PFKFB1: variants seen among roughly 807,000 people sequenced by gnomAD.
PFKFB1 encodes the protein 6-phosphofructo-2-kinase/fructose-2,6-bisphosphatase 1.
A neutral mutation model predicts 46.4 loss-of-function variants in PFKFB1; 34 were observed. The ratio of observed to expected loss-of-function variants is 0.73; its 90% CI spans 0.56 to 0.98. PFKFB1 has a LOEUF of 0.98. Among genes scored for constraint, PFKFB1 ranks in the 50% least tolerant of loss-of-function variants. PFKFB1 has a pLI of 0.00. For synonymous variants in PFKFB1, 119 were observed against 133.8 expected, an observed-to-expected ratio of 0.89 and a Z score of 0.76; for missense variants, 393 against 376.3, an observed-to-expected ratio of 1.04 and a Z score of -0.37.
chrX:54,967,322 C>T (rs1569547044), intron 1 of PFKFB1, among the ~76,000 whole-genome samples: 1 of 111,868 alleles, frequency 8.9e-6, no homozygotes, highest in African/African-American at 3.2e-5. Flanking sequence ...CAATAACAAG[C>T]GATTTTGGAA....
intron 1 of PFKFB1, among the ~76,000 whole-genome samples, chrX:54,963,743 TA>T (rs1934390491): frequency 8.9e-6 from 1 of 112,426 alleles, no homozygotes; most frequent in Non-Finnish European, 1.9e-5. Flanking sequence ...GCTGCAGACA[TA>T]GGCAATTTTG....
chrX:54,946,810 G>C (rs1250216743), intron 9 of PFKFB1, among the ~76,000 whole-genome samples: 1 of 112,001 alleles, frequency 8.9e-6, no homozygotes, highest in Non-Finnish European at 1.9e-5. Context: ...TTGAATATTG[G>C]GAAAATGTAA....
rs752428609 is a variant in PFKFB1 at position 54,943,620 on chromosome X, A to G, written c.1098+1819T>C. ...CAAAAAATTAGCCAGGTGTGGTGGC[A>G]GGTGCCCGTAGTCCCAGCTACTCGG... On this transcript the variant is annotated intron_variant, in intron 10 of 13. Coordinates refer to ENST00000375006, the MANE Select transcript of PFKFB1 (RefSeq NM_002625.4). Among the ~76,000 whole-genome samples the G allele has an allele frequency of 3.6e-5, 4 of 110,464 alleles. No individual in the cohort carries two copies. The Admixed American group carries it at 3.8e-4, about 11-fold the overall frequency.
chrX:54,984,501 T>C, intron 1 of PFKFB1, among the ~76,000 whole-genome samples: 1 of 112,222 alleles, frequency 8.9e-6, no homozygotes, highest in East Asian at 2.8e-4. Flanking sequence ...GAAATTGTCT[T>C]AATGGAATAC....
At chrX:54,966,395 G>A (rs1480864059) in intron 1 of PFKFB1, among the ~76,000 whole-genome samples, 2 of 112,307 alleles carry the variant, frequency 1.8e-5, no homozygotes, top group African/African-American at 3.2e-5. Context: ...AGTATCCTGA[G>A]CCTGAATTCA....
intron 9 of PFKFB1, among the ~76,000 whole-genome samples, chrX:54,946,667 G>A (rs891178221): frequency 7.1e-5 from 8 of 111,971 alleles, no homozygotes; most frequent in African/African-American, 2.3e-4. Flanking sequence ...TTTCTATTCT[G>A]AGGAGTACTA....
chrX:54,952,436 T>C (rs1934015230), intron 7 of PFKFB1, among the ~76,000 whole-genome samples: 1 of 111,239 alleles, frequency 9.0e-6, no homozygotes, highest in Non-Finnish European at 1.9e-5. Context: ...CCTAACATAG[T>C]CAGAGAGAAG....
chrX:54,975,397 G>T (rs533311239), intron 1 of PFKFB1, among the ~76,000 whole-genome samples: 10 of 110,575 alleles, frequency 9.0e-5, no homozygotes. Context: ...ACCAAATATT[G>T]TTATGTTCTC....
intron 1 of PFKFB1, among the ~76,000 whole-genome samples, chrX:54,972,094 G>T (rs1372917193): frequency 2.7e-5 from 3 of 110,410 alleles, no homozygotes; most frequent in African/African-American, 6.6e-5. Context: ...TATTCTCTTT[G>T]AAGCAATTGT....
At chrX:54,987,199 G>A (rs769666980) in intron 1 of PFKFB1, among the ~76,000 whole-genome samples, 16 of 111,092 alleles carry the variant, frequency 1.4e-4, no homozygotes, top group Non-Finnish European at 2.8e-4. Flanking sequence ...AATGCCTTAG[G>A]TGAAATAGAT....
intron 8 of PFKFB1, 120 bp from the exon 9 acceptor site, chrX:54,949,341 A>T: frequency 3.8e-6 from 2 of 521,425 alleles, no homozygotes; most frequent in Admixed American, 7.9e-5. Context: ...CAAGCAGAGC[A>T]AAGAGTTTAA....
At chrX:54,946,525 CA>C (rs1933816527) in intron 9 of PFKFB1, among the ~76,000 whole-genome samples, 1 of 111,782 alleles carries the variant, frequency 8.9e-6, no homozygotes, top group South Asian at 3.7e-4. Context: ...ATGCCCCCAT[CA>C]GGGGTGAGGA....
At chrX:54,965,776 A>T (rs1045503870) in intron 1 of PFKFB1, among the ~76,000 whole-genome samples, 9 of 111,912 alleles carry the variant, frequency 8.0e-5, no homozygotes, top group African/African-American at 2.3e-4. Flanking sequence ...AATGAAACAA[A>T]GAATGGAAGG....
rs72018084 is a variant in PFKFB1, at chrX:54,945,701, CGTGT to C, written c.994-162_994-159del. Among the ~76,000 whole-genome samples, 138 of 101,768 alleles carry C rather than the reference CGTGT, an allele frequency of 1.4e-3. No homozygotes were observed. The East Asian group carries it at 0.021, about 15-fold the overall frequency. 88.4% of individuals were successfully genotyped at this position (101,768 alleles called of 115,157 possible). A position where few individuals can be genotyped will look rare whatever the true frequency, so the allele number is the denominator to read the frequency against. ...TGCCTGTTGTCCATAAGTGTGTATG[CGTGT>C]GTGTGTGTGTGTGTGCGTGTGTGTG... On this transcript the variant is annotated intron_variant, in intron 9 of 13. Transcript: ENST00000375006.
chrX:54,974,801 A>T (rs1028388134), intron 1 of PFKFB1, among the ~76,000 whole-genome samples: 1 of 111,729 alleles, frequency 9.0e-6, no homozygotes, highest in Non-Finnish European at 1.9e-5. Flanking sequence ...AAGGACATGA[A>T]TATAGAATTC....
chrX:54,952,123 C>A lies in PFKFB1; in HGVS notation c.639-11G>T, dbSNP rs1389208281. On this transcript the variant is annotated splice_polypyrimidine_tract_variant and intron_variant, in intron 7 of 13. Transcript: ENST00000375006. ...ATGTAGGACAGGTGGCTGGGCCAGA[C>A]CCAAGCAGGAGCAAGGGCAGCTCAG... 8.4e-7 allele frequency: 1 copy of A among 1,197,360 alleles called. No individual in the cohort carries two copies. The highest frequency in any genetic ancestry group is 2.2e-5 in the Admixed American group (1 of 45,963).
Position 54,994,118 on chromosome X carries a change from T to G in PFKFB1, c.-111A>C. 2 of 1,122,074 alleles carry G rather than the reference T, an allele frequency of 1.8e-6. No individual in the cohort carries two copies. Among genetic ancestry groups the G allele is most frequent in the Non-Finnish European group, 2.3e-6 (2 of 851,799 alleles). The allele number at this position is 1,122,074 out of a possible 1,213,427, so 92.5% of individuals were successfully genotyped here. A position where few individuals can be genotyped will look rare whatever the true frequency, so the allele number is the denominator to read the frequency against. On this transcript the variant is annotated 5_prime_UTR_variant, in exon 1 of 14. Coordinates refer to ENST00000375006, the MANE Select transcript of PFKFB1 (RefSeq NM_002625.4). Reference sequence around the variant, plus strand: ...GGCCACAGCAGCAGGTGGACAGGGCTGGGACAGGGGGTGTACTGGGTTTCT... The same window carrying G: ...GGCCACAGCAGCAGGTGGACAGGGCGGGGACAGGGGGTGTACTGGGTTTCT...
intron 7 of PFKFB1, among the ~76,000 whole-genome samples, chrX:54,953,983 A>C (rs1204879153): frequency 8.9e-6 from 1 of 112,071 alleles, no homozygotes; most frequent in Non-Finnish European, 1.9e-5. Flanking sequence ...CTTTTTTGAG[A>C]CCAGGATCAT....
At chrX:54,998,404 A>G, upstream of PFKFB1, 1 of 1,148,654 alleles carries the variant, frequency 8.7e-7, no homozygotes, top group Non-Finnish European at 1.2e-6. Context: ...TTTCTCACCT[A>G]CCTTTTATTC....
Sources: allele counts gnomAD v4.1 joint callset (sites outside exome capture counted in the v4.1 genomes callset), GRCh38; gene constraint gnomAD v4.1.1; transcripts MANE v1.5; gene names NCBI Gene and HGNC (gene_info 2026-07-23, HGNC 2026-07-21).